The following RORB variants were observed in gnomAD, a reference collection of about 807,000 sequenced individuals.
The protein encoded by RORB is nuclear receptor ROR-beta.
RORB carries 6 observed loss-of-function variants against 59.1 expected under a neutral mutation model. The observed-to-expected ratio is 0.10, with a 90% CI of 0.06 to 0.20. The LOEUF (loss-of-function observed/expected upper bound fraction) is 0.20. RORB is among the 10% of genes least tolerant of loss of function. RORB has a pLI of 1.00. For missense variants in RORB, 320 were observed against 560.5 expected (o/e 0.57, Z 4.33); for synonymous variants, 215 against 204.5 (o/e 1.05, Z -0.44).
At chr9:74,670,230 C>G (rs1235959563) in intron 8 of RORB, among the ~76,000 whole-genome samples, 1 of 152,116 alleles carries the variant, frequency 6.6e-6, no homozygotes, top group East Asian at 1.9e-4. Context: ...GAGAATAGTT[C>G]AATAGAAAAC....
chr9:74,674,487 T>G (rs1334614759), intron 9 of RORB, among the ~76,000 whole-genome samples: 1 of 152,232 alleles, frequency 6.6e-6, no homozygotes, highest in African/African-American at 2.4e-5. Context: ...TGTTCAACTC[T>G]GAATAGGTGT....
intron 9 of RORB, among the ~76,000 whole-genome samples, chr9:74,677,848 C>T (rs922577374): frequency 1.3e-5 from 2 of 152,044 alleles, no homozygotes; most frequent in Admixed American, 6.5e-5. Flanking sequence ...GGAAATAGGG[C>T]GAAGTAGGAA....
intron 8 of RORB, among the ~76,000 whole-genome samples, chr9:74,670,938 A>G (rs541948635): frequency 1.7e-4 from 26 of 152,296 alleles, no homozygotes; most frequent in South Asian, 6.2e-4. Flanking sequence ...TGTGTTCAGG[A>G]AGATCATGTT....
At chr9:74,654,010 T>C (rs1233593603) in intron 4 of RORB, among the ~76,000 whole-genome samples, 1 of 152,200 alleles carries the variant, frequency 6.6e-6, no homozygotes, top group African/African-American at 2.4e-5. Context: ...TAGCCCTTTT[T>C]CTTTCTACAT....
chr9:74,589,535 A>T (rs1465928447), intron 1 of RORB, among the ~76,000 whole-genome samples: 2 of 152,094 alleles, frequency 1.3e-5, no homozygotes, highest in East Asian at 3.9e-4. Flanking sequence ...GACTTATCTC[A>T]TAGGACATTT....
intron 4 of RORB, among the ~76,000 whole-genome samples, chr9:74,644,099 T>G (rs1321022945): frequency 1.3e-5 from 2 of 152,220 alleles, no homozygotes; most frequent in Non-Finnish European, 2.9e-5. Context: ...CCTACAAGTG[T>G]TTTAAATTAA....
intron 4 of RORB, 116 bp from the exon 5 acceptor site, chr9:74,660,498 AAAG>A (rs1824164632): frequency 2.5e-6 from 2 of 800,194 alleles, no homozygotes; most frequent in Admixed American, 5.7e-5. Flanking sequence ...TAGCAATGTT[AAAG>A]ACACTTTAAT....
intron 4 of RORB, among the ~76,000 whole-genome samples, chr9:74,650,053 A>G (rs1823967016): frequency 2.0e-5 from 3 of 152,210 alleles, no homozygotes; most frequent in African/African-American, 7.2e-5. Flanking sequence ...AGCTACTGGA[A>G]AGCCAACTCC....
At chr9:74,540,927 T>C (rs1826396080) in intron 1 of RORB, among the ~76,000 whole-genome samples, 1 of 152,166 alleles carries the variant, frequency 6.6e-6, no homozygotes, top group Admixed American at 6.5e-5. Context: ...CCCTGTAGTG[T>C]TTGTATCGTG....
At chr9:74,511,783 T>A (rs925127541) in intron 1 of RORB, among the ~76,000 whole-genome samples, 2 of 150,096 alleles carry the variant, frequency 1.3e-5, no homozygotes, top group Non-Finnish European at 3.0e-5. Flanking sequence ...TAAAATTAAC[T>A]GATTTGATGT....
At chr9:74,509,045 T>C (rs2118033983) in intron 1 of RORB, among the ~76,000 whole-genome samples, 1 of 152,086 alleles carries the variant, frequency 6.6e-6, no homozygotes, top group Non-Finnish European at 1.5e-5. Flanking sequence ...GCCCTTAAGA[T>C]AAAACTTGTT....
At chr9:74,659,167 TA>T (rs779753617) in intron 4 of RORB, among the ~76,000 whole-genome samples, 68 of 152,250 alleles carry the variant, frequency 4.5e-4, no homozygotes, top group African/African-American at 1.1e-3. Context: ...CAATGGTCTG[TA>T]GGAGATTTTT....
intron 1 of RORB, among the ~76,000 whole-genome samples, chr9:74,508,509 G>A (rs974980138): frequency 6.6e-6 from 1 of 151,942 alleles, no homozygotes; most frequent in Non-Finnish European, 1.5e-5. Flanking sequence ...AAGAGTAAAA[G>A]CCATACTTTT....
In RORB at chr9:74,578,340, A is replaced by G. The variant is rs143563834; in HGVS notation, c.8-51942A>G. On this transcript the variant is annotated intron_variant, in intron 1 of 9. Coordinates refer to ENST00000376896, the MANE Select transcript of RORB (RefSeq NM_006914.4). The stretch of plus-strand genomic sequence containing the variant: ...GTGAGAAAGAAAGCAGTAAATGTTT[A>G]TTGAGAGCATTATGAAGATCCAAAC... Among the ~76,000 whole-genome samples the G allele has an allele frequency of 8.1e-3, 1,234 of 152,278 alleles. 10 individuals are homozygous for G. Among genetic ancestry groups the G allele is most frequent in the Non-Finnish European group, 0.013 (899 of 68,006 alleles).
chr9:74,500,201 C>A (rs533669336), intron 1 of RORB, among the ~76,000 whole-genome samples: 2 of 152,236 alleles, frequency 1.3e-5, no homozygotes, highest in African/African-American at 4.8e-5. Flanking sequence ...TAGGGGAATG[C>A]GCTGGAGAAA....
At chr9:74,608,523 C>T (rs1233125389) in intron 1 of RORB, among the ~76,000 whole-genome samples, 1 of 146,174 alleles carries the variant, frequency 6.8e-6, no homozygotes, top group Non-Finnish European at 1.5e-5. Flanking sequence ...GAGATCGCGC[C>T]ACTGCACTCC....
At chr9:74,643,293 C>T (rs1035492161) in intron 4 of RORB, among the ~76,000 whole-genome samples, 6 of 151,986 alleles carry the variant, frequency 3.9e-5, no homozygotes, top group Admixed American at 3.3e-4. Context: ...GAAGTCAGGG[C>T]GATAGACCAG....
At chr9:74,540,805 A>G (rs1419583347) in intron 1 of RORB, among the ~76,000 whole-genome samples, 1 of 152,194 alleles carries the variant, frequency 6.6e-6, no homozygotes, top group Non-Finnish European at 1.5e-5. Flanking sequence ...GTAGGTATGC[A>G]GGTAAATCTA....
chr9:74,586,068 A>G (rs2118271178), intron 1 of RORB, among the ~76,000 whole-genome samples: 1 of 152,198 alleles, frequency 6.6e-6, no homozygotes, highest in East Asian at 1.9e-4. Context: ...TGCTGGGATT[A>G]CAGGCATGAG....
Sources: allele counts gnomAD v4.1 joint callset (sites outside exome capture counted in the v4.1 genomes callset), GRCh38; gene constraint gnomAD v4.1.1; transcripts MANE v1.5; gene names NCBI Gene and HGNC (gene_info 2026-07-23, HGNC 2026-07-21).